PDZRN4: variants seen among roughly 807,000 people sequenced by gnomAD.
The protein encoded by PDZRN4 is PDZ domain-containing RING finger protein 4.
A neutral mutation model predicts 99.0 loss-of-function variants in PDZRN4; 70 were observed. That is an observed-to-expected ratio of 0.71 (90% CI 0.58 to 0.86). The LOEUF (loss-of-function observed/expected upper bound fraction) is 0.86, where lower values mean the gene tolerates loss of function less well. PDZRN4 is among the 40% of genes least tolerant of loss of function. The pLI is 0.00. For synonymous variants in PDZRN4, 551 were observed against 501.6 expected (o/e 1.10, Z -1.32); for missense variants, 1,474 against 1,331.2 (o/e 1.11, Z -1.67).
At chr12:41,387,852 T>C (rs553778001) in intron 3 of PDZRN4, among the ~76,000 whole-genome samples, 2 of 152,296 alleles carry the variant, frequency 1.3e-5, no homozygotes, top group South Asian at 2.1e-4. Context: ...GTTAAATCAT[T>C]GTGGAAGACA....
intron 3 of PDZRN4, among the ~76,000 whole-genome samples, chr12:41,226,961 C>G (rs1424675257): frequency 6.6e-6 from 1 of 152,154 alleles, no homozygotes; most frequent in East Asian, 1.9e-4. Context: ...ACCCAGGTTT[C>G]TTGCCTGTTT....
chr12:41,304,284 C>T lies in PDZRN4; in HGVS notation c.843+110096C>T, dbSNP rs542879991. ...AGGAGTTAAGTGATTATGCAGTCACCGGAATAATAGGTATCAGACTAGAGT... is the reference window on the plus strand; with the variant it reads ...AGGAGTTAAGTGATTATGCAGTCACTGGAATAATAGGTATCAGACTAGAGT... On this transcript the variant is annotated intron_variant, in intron 3 of 9. Transcript: ENST00000402685. Among the ~76,000 whole-genome samples the T allele has an allele frequency of 1.3e-4, 20 of 152,096 alleles. No homozygotes were observed. The South Asian group carries it at 2.1e-3, about 16-fold the overall frequency.
chr12:41,434,176 T>G (rs1952608991), intron 3 of PDZRN4, among the ~76,000 whole-genome samples: 2 of 152,324 alleles, frequency 1.3e-5, no homozygotes, highest in South Asian at 4.1e-4. Context: ...CTCTCTCTCT[T>G]TCTCTTTTTA....
At chr12:41,434,945 T>G (rs1055065790) in intron 3 of PDZRN4, among the ~76,000 whole-genome samples, 2 of 152,322 alleles carry the variant, frequency 1.3e-5, no homozygotes, top group Middle Eastern at 3.4e-3. Flanking sequence ...ATTTAGTTAT[T>G]GGAAAACTTA....
rs941825277 is a variant in PDZRN4, at chr12:41,484,138, G to T, written c.844-22318G>T. Among the ~76,000 whole-genome samples the T allele has an allele frequency of 1.2e-4, 19 of 152,186 alleles. No homozygotes were observed. In the South Asian group the frequency reaches 3.5e-3, roughly 28 times the overall value. On this transcript the variant is annotated intron_variant, in intron 3 of 9. Transcript: ENST00000402685. ...AGAATAATGATCTCTATCACACAGA[G>T]AACTTATTAGTGTCCTATAGCAAAA...
At chr12:41,375,365 T>C (rs1210019734) in intron 3 of PDZRN4, among the ~76,000 whole-genome samples, 1 of 152,168 alleles carries the variant, frequency 6.6e-6, no homozygotes, top group East Asian at 1.9e-4. Context: ...TAGAATGGCA[T>C]TTGAACTACA....
At chr12:41,212,399 T>A (rs972529736) in intron 3 of PDZRN4, among the ~76,000 whole-genome samples, 7 of 152,048 alleles carry the variant, frequency 4.6e-5, no homozygotes, top group Non-Finnish European at 1.0e-4. Flanking sequence ...ACATCCATCA[T>A]TCCAAGTGGA....
intron 3 of PDZRN4, among the ~76,000 whole-genome samples, chr12:41,504,286 A>T (rs1938167055): frequency 7.0e-6 from 1 of 141,986 alleles, no homozygotes; most frequent in South Asian, 2.1e-4. Flanking sequence ...AAAAATAAAA[A>T]TAAATAAATA....
intron 3 of PDZRN4, among the ~76,000 whole-genome samples, chr12:41,438,328 TACTGTTGACATTTGAAAATC>T (rs1189463601): frequency 6.6e-6 from 1 of 152,214 alleles, no homozygotes; most frequent in Non-Finnish European, 1.5e-5. Context: ...CATTTTGGAA[TACTGTTGACATTTGAAAATC>T]AATTGTATCA....
intron 3 of PDZRN4, among the ~76,000 whole-genome samples, chr12:41,262,729 GA>G (rs1282423078): frequency 6.6e-6 from 1 of 152,106 alleles, no homozygotes; most frequent in Non-Finnish European, 1.5e-5. Flanking sequence ...AACTAGTCAT[GA>G]GCTGAATACT....
intron 3 of PDZRN4, among the ~76,000 whole-genome samples, chr12:41,490,070 T>A (rs776866696): frequency 5.9e-5 from 9 of 151,728 alleles, no homozygotes; most frequent in African/African-American, 1.5e-4. Context: ...TAAAAAAAAA[T>A]CAATTAAACC....
intron 3 of PDZRN4, among the ~76,000 whole-genome samples, chr12:41,473,115 A>T (rs1953008967): frequency 6.6e-6 from 1 of 152,120 alleles, no homozygotes; most frequent in South Asian, 2.1e-4. Context: ...TTTTAAGTAA[A>T]GCCTTATGGA....
intron 3 of PDZRN4, among the ~76,000 whole-genome samples, chr12:41,410,596 T>G (rs1695036211): frequency 6.6e-6 from 1 of 152,194 alleles, no homozygotes; most frequent in Non-Finnish European, 1.5e-5. Flanking sequence ...CTTTAGCATT[T>G]AGAATCCAAA....
At chr12:41,399,277 A>G (rs1477647274) in intron 3 of PDZRN4, among the ~76,000 whole-genome samples, 1 of 152,226 alleles carries the variant, frequency 6.6e-6, no homozygotes, top group South Asian at 2.1e-4. Context: ...ATATGCATAT[A>G]TAAACACATA....
chr12:41,389,489 A>G (rs1189839706), intron 3 of PDZRN4, among the ~76,000 whole-genome samples: 1 of 152,190 alleles, frequency 6.6e-6, no homozygotes, highest in Non-Finnish European at 1.5e-5. Flanking sequence ...ATTTAAATCC[A>G]TATTTACTTG....
Position 41,536,303 on chromosome 12 carries a change from A to T in PDZRN4, c.1204-16353A>T, listed in dbSNP as rs114375035. On this transcript the variant is annotated intron_variant, in intron 5 of 9. Coordinates refer to ENST00000402685, the MANE Select transcript of PDZRN4 (RefSeq NM_001164595.2). ...ATGAAAAAACATGGAGCAAACATAA[A>T]TACACATTACTAAGTGAAAGAAGCC... Among the ~76,000 whole-genome samples the T allele has an allele frequency of 5.9e-3, 897 of 152,362 alleles. 8 individuals carry two copies. Among genetic ancestry groups the T allele is most frequent in the African/African-American group, 0.02 (840 of 41,586 alleles).
At chr12:41,520,523 G>T (rs1375433284) in intron 5 of PDZRN4, among the ~76,000 whole-genome samples, 1 of 151,786 alleles carries the variant, frequency 6.6e-6, no homozygotes, top group Admixed American at 6.6e-5. Context: ...AAGTTGTTTT[G>T]TTCTTCAAAT....
At position 41,511,515 on chromosome 12, in the gene PDZRN4, T is replaced by C. The variant is rs376249599; in HGVS notation, c.1203+1602T>C. Among the ~76,000 whole-genome samples the C allele has an allele frequency of 9.2e-5, 14 of 152,218 alleles. No individual in the cohort carries two copies. The East Asian group carries it at 1.6e-3, about 17-fold the overall frequency. ...GTGATTCCGTTGCCAAAGGCTCCTT[T>C]CTGAGTGATTGAAATAAAGAATGTT... On this transcript the variant is annotated intron_variant, in intron 5 of 9. Transcript: ENST00000402685.
chr12:41,484,433 G>T (rs185857948), intron 3 of PDZRN4, among the ~76,000 whole-genome samples: 93 of 152,260 alleles, frequency 6.1e-4, no homozygotes, highest in African/African-American at 2.2e-3. Context: ...AATCCTGACT[G>T]TTCCTGAGCT....
Sources: allele counts gnomAD v4.1 joint callset (sites outside exome capture counted in the v4.1 genomes callset), GRCh38; gene constraint gnomAD v4.1.1; transcripts MANE v1.5; gene names NCBI Gene and HGNC (gene_info 2026-07-23, HGNC 2026-07-21).